FHL2: variants seen among roughly 807,000 people sequenced by gnomAD.
FHL2 encodes the protein four and a half LIM domains protein 2.
Under a neutral mutation model 32.7 loss-of-function variants are expected in FHL2, and 20 were observed. The ratio of observed to expected loss-of-function variants is 0.61; its 90% CI spans 0.43 to 0.89. The LOEUF is 0.89. Ranked by LOEUF, FHL2 falls within the 40% of genes least tolerant of loss-of-function variation. FHL2 has a pLI of 0.00. For missense variants in FHL2, 311 were observed against 358.6 expected (o/e 0.87, Z 1.07); for synonymous variants, 123 against 128.1 (o/e 0.96, Z 0.27).
At chr2:105,400,998 A>T (rs116484323), upstream of FHL2, among the ~76,000 whole-genome samples, 1,802 of 151,672 alleles carry the variant, frequency 0.012, 44 homozygotes, top group African/African-American at 0.042. Flanking sequence ...AACAAGAGAG[A>T]TGGAGACAGA....
intron 4 of FHL2, among the ~76,000 whole-genome samples, chr2:105,368,572 T>C (rs1471857557): frequency 6.6e-6 from 1 of 152,222 alleles, no homozygotes; most frequent in Non-Finnish European, 1.5e-5. Context: ...TGAATAACTA[T>C]TAGCATTTGA....
At chr2:105,366,164 C>T (rs1039651104) in intron 5 of FHL2, among the ~76,000 whole-genome samples, 10 of 151,338 alleles carry the variant, frequency 6.6e-5, no homozygotes, top group East Asian at 3.9e-4. Flanking sequence ...GAGCCAAGAT[C>T]GAGCCACTGC....
intron 4 of FHL2, among the ~76,000 whole-genome samples, chr2:105,370,550 T>C (rs1558686888): frequency 6.6e-6 from 1 of 152,212 alleles, no homozygotes; most frequent in East Asian, 1.9e-4. Flanking sequence ...AGTTTCCTGA[T>C]TGGTCATCAG....
intron 1 of FHL2, among the ~76,000 whole-genome samples, chr2:105,413,041 G>A (rs1173560292): frequency 1.3e-5 from 2 of 152,204 alleles, no homozygotes; most frequent in African/African-American, 4.8e-5. Context: ...AGAGTTAATG[G>A]TGTAGAAGGA....
chr2:105,425,449 C>T (rs1684231911), intron 1 of FHL2, among the ~76,000 whole-genome samples: 1 of 152,058 alleles, frequency 6.6e-6, no homozygotes, highest in Admixed American at 6.6e-5. Flanking sequence ...ATGAGAAAGA[C>T]CTGACTGTCC....
intron 1 of FHL2, among the ~76,000 whole-genome samples, chr2:105,416,190 C>T (rs1249827545): frequency 1.3e-5 from 2 of 152,060 alleles, no homozygotes; most frequent in South Asian, 2.1e-4. Context: ...ACATTAAATC[C>T]GTAACAGGTA....
intron 1 of FHL2, among the ~76,000 whole-genome samples, chr2:105,435,684 T>C (rs375061827): frequency 3.9e-5 from 6 of 152,134 alleles, no homozygotes; most frequent in Admixed American, 2.0e-4. Flanking sequence ...TAGCCGGACA[T>C]GGTGGCAGGC....
chr2:105,363,554 A>C, intron 5 of FHL2, 83 bp from the exon 6 acceptor site: 1 of 1,290,608 alleles, frequency 7.7e-7, no homozygotes, highest in Non-Finnish European at 1.1e-6. Context: ...TGGACGATGC[A>C]AGATCCTCAT....
At chr2:105,366,491 G>A (rs1680643276) in intron 5 of FHL2, among the ~76,000 whole-genome samples, 1 of 152,210 alleles carries the variant, frequency 6.6e-6, no homozygotes, top group Admixed American at 6.5e-5. Context: ...AGTGAGCAGT[G>A]GGAGGGTGCC....
At chr2:105,402,061 A>T (rs573059672), upstream of FHL2, among the ~76,000 whole-genome samples, 3 of 149,822 alleles carry the variant, frequency 2.0e-5, no homozygotes, top group Non-Finnish European at 4.4e-5. Context: ...ATACGTATGT[A>T]TGTACATATA....
intron 2 of FHL2, among the ~76,000 whole-genome samples, chr2:105,392,986 AT>A (rs35719774): frequency 0.15 from 21,911 of 141,710 alleles, 1,691 homozygotes; most frequent in Middle Eastern, 0.22. Flanking sequence ...CACCCAGCTA[AT>A]TTTTTTTTTT....
chr2:105,409,169 T>A (rs752443652), intron 1 of FHL2, among the ~76,000 whole-genome samples: 1 of 152,152 alleles, frequency 6.6e-6, no homozygotes, highest in Non-Finnish European at 1.5e-5. Flanking sequence ...GGAGACCCTC[T>A]GCAGGAAAAA....
upstream of FHL2, among the ~76,000 whole-genome samples, chr2:105,400,718 G>A (rs1225862665): frequency 2.5e-5 from 3 of 120,762 alleles, no homozygotes; most frequent in Non-Finnish European, 5.1e-5. Context: ...TCTGACTTAC[G>A]GGTGTAATCC....
chr2:105,431,341 A>T (rs187070284), intron 1 of FHL2, among the ~76,000 whole-genome samples: 10 of 152,336 alleles, frequency 6.6e-5, no homozygotes, highest in Non-Finnish European at 2.9e-5. Flanking sequence ...ATGTAGGTGG[A>T]TGTGTATATG....
chr2:105,383,737 A>G (rs1346485259), intron 3 of FHL2, among the ~76,000 whole-genome samples: 1 of 152,192 alleles, frequency 6.6e-6, no homozygotes, highest in Non-Finnish European at 1.5e-5. Context: ...AGAAAAAAAC[A>G]GGAACATTTT....
chr2:105,381,299 A>G lies in FHL2; in HGVS notation c.156+5062T>C, dbSNP rs1216155231. Among the ~76,000 whole-genome samples the G allele has an allele frequency of 3.3e-5, 5 of 152,220 alleles. No homozygotes were observed. The East Asian group carries it at 9.6e-4, about 29-fold the overall frequency. On this transcript the variant is annotated intron_variant, in intron 3 of 6. Coordinates refer to ENST00000530340, the MANE Select transcript of FHL2 (RefSeq NM_001318895.3). ...AAATAAAGATGCAGAAAAATGGACA[A>G]CAGCAGAAATGACAGCACTGTGTTG...
At chr2:105,378,414 C>A (rs548900911) in intron 3 of FHL2, 2 of 344,380 alleles carry the variant, frequency 5.8e-6, no homozygotes, top group Non-Finnish European at 1.1e-5. Flanking sequence ...CTCAGGACAA[C>A]CTGGTCTGCT....
At chr2:105,388,689 C>T (rs1272857835) in intron 2 of FHL2, among the ~76,000 whole-genome samples, 1 of 151,554 alleles carries the variant, frequency 6.6e-6, no homozygotes, top group South Asian at 2.1e-4. Flanking sequence ...AAAAAATTAG[C>T]CGGGCTTACT....
chr2:105,385,709 C>G (rs1416505279), intron 3 of FHL2, among the ~76,000 whole-genome samples: 4 of 152,166 alleles, frequency 2.6e-5, no homozygotes, highest in South Asian at 2.1e-4. Flanking sequence ...CAGGTTGGAA[C>G]AAGAGTCTGC....
Sources: allele counts gnomAD v4.1 joint callset (sites outside exome capture counted in the v4.1 genomes callset), GRCh38; gene constraint gnomAD v4.1.1; transcripts MANE v1.5; gene names NCBI Gene and HGNC (gene_info 2026-07-23, HGNC 2026-07-21).